Variants in ABCG1 observed in about 807,000 individuals in gnomAD.
ABCG1 encodes ATP binding cassette subfamily G member 1.
Under a neutral mutation model 69.2 loss-of-function variants are expected in ABCG1, and 29 were observed. That is an observed-to-expected ratio of 0.42 (90% confidence interval 0.31 to 0.57). ABCG1 has a LOEUF of 0.57. Ranked by LOEUF, ABCG1 falls within the 20% of genes least tolerant of loss-of-function variation. ABCG1 has a pLI of 0.15. For missense variants in ABCG1, 718 were observed against 898.1 expected (o/e 0.80, Z 2.56); for synonymous variants, 370 against 374.8 (o/e 0.99, Z 0.15).
chr21:42,221,036 C>CG (rs1402684500), intron 1 of ABCG1: 1 of 152,120 alleles, frequency 6.6e-6, no homozygotes, highest in African/African-American at 2.4e-5. Context: ...AATATGCCCC[C>CG]GGAGCTCAAC....
chr21:42,225,004 G>A lies in ABCG1; in HGVS notation c.43-667G>A, dbSNP rs2067792458. On this transcript the variant is annotated intron_variant, in intron 1 of 14. Transcript: ENST00000398449. ...ACTTCTGCTACTCACTTGATTGTGA[G>A]ACCTGGAACACGGTCCTTAAATTGT... 2.6e-5 allele frequency among the ~76,000 whole-genome samples: 4 copies of A among 151,488 alleles called. No individual in the cohort carries two copies. The South Asian group carries it at 6.2e-4, about 24-fold the overall frequency.
chr21:42,292,913 C>A (rs2069099059), intron 13 of ABCG1, among the ~76,000 whole-genome samples: 1 of 149,012 alleles, frequency 6.7e-6, no homozygotes, highest in South Asian at 2.1e-4. Context: ...ACACACTACA[C>A]ACCACACATA....
intron 2 of ABCG1, among the ~76,000 whole-genome samples, chr21:42,255,537 A>G (rs1309046462): frequency 6.6e-6 from 1 of 152,178 alleles, no homozygotes; most frequent in African/African-American, 2.4e-5. Flanking sequence ...CACTGTGTGT[A>G]CAGGGCAGAC....
In ABCG1 at chr21:42,289,845, C is replaced by T. The variant is rs113381199; in HGVS notation, c.1225-205C>T. The stretch of plus-strand genomic sequence containing the variant: ...GTGTGCATATATGTGTGTGAGCAGG[C>T]GTGTATGTGTGTGTGTGAGTGTGTG... On this transcript the variant is annotated intron_variant, in intron 10 of 14. Transcript: ENST00000398449. Among the ~76,000 whole-genome samples the T allele has an allele frequency of 6.3e-3, 960 of 152,034 alleles. 12 individuals carry two copies. The highest frequency in any genetic ancestry group is 0.022 in the African/African-American group (919 of 41,466).
intron 13 of ABCG1, among the ~76,000 whole-genome samples, chr21:42,292,311 C>T (rs1369090704): frequency 2.0e-5 from 3 of 152,096 alleles, no homozygotes; most frequent in African/African-American, 2.4e-5. Flanking sequence ...AGCTCCCTGG[C>T]CTCCAGGGCC....
At chr21:42,250,736 T>C (rs2068206855) in intron 2 of ABCG1, among the ~76,000 whole-genome samples, 1 of 152,202 alleles carries the variant, frequency 6.6e-6, no homozygotes, top group African/African-American at 2.4e-5. Context: ...TGAGTCTCAT[T>C]TTCACTGATG....
At chr21:42,262,480 C>T (rs2068430513) in intron 2 of ABCG1, among the ~76,000 whole-genome samples, 1 of 152,206 alleles carries the variant, frequency 6.6e-6, no homozygotes, top group African/African-American at 2.4e-5. Flanking sequence ...CCTTAGGTGA[C>T]CCACGGGGTT....
intron 2 of ABCG1, among the ~76,000 whole-genome samples, chr21:42,242,886 G>C (rs556730457): frequency 4.6e-5 from 7 of 152,144 alleles, no homozygotes; most frequent in Non-Finnish European, 1.0e-4. Context: ...GCACCCCCGG[G>C]GGTCTGAGTG....
intron 2 of ABCG1, among the ~76,000 whole-genome samples, chr21:42,234,067 T>C (rs2067940406): frequency 6.6e-6 from 1 of 152,252 alleles, no homozygotes; most frequent in Non-Finnish European, 1.5e-5. Context: ...AACTGGTGTT[T>C]ACTGAGCAAA....
At chr21:42,275,943 G>T (rs958268546) in intron 4 of ABCG1, among the ~76,000 whole-genome samples, 25 of 152,202 alleles carry the variant, frequency 1.6e-4, no homozygotes, top group African/African-American at 5.8e-4. Context: ...TGGCAGGAGC[G>T]TGGGCCTGAC....
chr21:42,219,851 C>A lies in ABCG1; in HGVS notation c.42+547C>A. 6.6e-7 allele frequency: 1 copy of A among 1,521,228 alleles called. No homozygotes were observed. The highest frequency in any genetic ancestry group is 1.2e-5 in the South Asian group (1 of 80,334). 94.2% of individuals were successfully genotyped at this position (1,521,228 alleles called of 1,614,324 possible). On this transcript the variant is annotated intron_variant, in intron 1 of 14. Transcript: ENST00000398449. The surrounding 1 kb of genome is among the most constrained non-coding windows in gnomAD (Gnocchi z 5.3). Reference sequence around the variant, plus strand: ...GCGACTGCACTCCCGGGGACACCCTCTCCCGGACCCACTCGGGGAGGCGGC... The same window carrying A: ...GCGACTGCACTCCCGGGGACACCCTATCCCGGACCCACTCGGGGAGGCGGC...
intron 2 of ABCG1, 69 bp downstream of exon 2, chr21:42,225,983 G>A: frequency 1.3e-6 from 2 of 1,562,768 alleles, no homozygotes; most frequent in Middle Eastern, 2.4e-4. Flanking sequence ...GGTTGTTTGG[G>A]CAAAATCGGG....
intron 2 of ABCG1, among the ~76,000 whole-genome samples, chr21:42,244,361 A>G (rs917415091): frequency 1.3e-5 from 2 of 152,140 alleles, no homozygotes; most frequent in East Asian, 1.9e-4. Flanking sequence ...AGTATTTAGT[A>G]ACACTCGATC....
intron 3 of ABCG1, among the ~76,000 whole-genome samples, chr21:42,271,474 AG>A (rs1786498211): frequency 6.6e-6 from 1 of 152,178 alleles, no homozygotes; most frequent in Non-Finnish European, 1.5e-5. Flanking sequence ...GTTCAGGGAG[AG>A]GGGTGGCCAG....
At chr21:42,236,478 G>A (rs778171117) in intron 2 of ABCG1, among the ~76,000 whole-genome samples, 8 of 152,210 alleles carry the variant, frequency 5.3e-5, no homozygotes, top group South Asian at 2.1e-4. Flanking sequence ...CTAGACACCC[G>A]GCGGGACTAG....
At chr21:42,219,065 C>G, upstream of ABCG1, 1 of 314,842 alleles carries the variant, frequency 3.2e-6, no homozygotes, top group Non-Finnish European at 5.3e-6. The surrounding 1 kb of genome is among the most constrained non-coding windows in gnomAD (Gnocchi z 5.3). Context: ...CCGCCCGCCC[C>G]CTTGGTGCCG....
chr21:42,202,318 A>T (rs2067512590), intron 2 of ABCG1, among the ~76,000 whole-genome samples: 1 of 152,126 alleles, frequency 6.6e-6, no homozygotes, highest in South Asian at 2.1e-4. Context: ...AATATTACAA[A>T]CCTAGGGTTG....
chr21:42,252,652 C>T (rs2068241397), intron 2 of ABCG1, among the ~76,000 whole-genome samples: 1 of 152,128 alleles, frequency 6.6e-6, no homozygotes. Flanking sequence ...CCCAAATAAA[C>T]CTTTAATCAC....
rs1278342138 is a variant in ABCG1, at chr21:42,271,152, G to T, written c.369G>T (p.Gly123=). Residue 123 remains glycine (G), a synonymous_variant, in exon 3 of 15, where the codon GGG becomes GGT. Transcript: ENST00000398449. ...LVAIMGPSGA[G]KSTLMNILAG... is the part of the protein sequence containing the mutation. ...CCATTATGGGTCCTTCCGGGGCCGG[G>T]AAGTCCACGCTGATGAACATCCTGG... The T allele has an allele frequency of 6.3e-7, 1 of 1,580,824 alleles. No homozygotes were observed.
Sources: allele counts gnomAD v4.1 joint callset (sites outside exome capture counted in the v4.1 genomes callset), GRCh38; gene constraint gnomAD v4.1.1; non-coding constraint Gnocchi (gnomAD v3.1); transcripts MANE v1.5; gene names NCBI Gene and HGNC (gene_info 2026-07-23, HGNC 2026-07-21).